Variants in NBEA observed in about 807,000 individuals in gnomAD.
NBEA encodes the protein lysosomal-trafficking regulator 2.
Under a neutral mutation model 343.4 loss-of-function variants are expected in NBEA, and 44 were observed. The ratio of observed to expected loss-of-function variants is 0.13; its 90% confidence interval spans 0.10 to 0.16. NBEA has a LOEUF of 0.16. Among genes scored for constraint, NBEA ranks in the 10% least tolerant of loss-of-function variants. The pLI is 1.00. For synonymous variants in NBEA, 1,175 were observed against 1,238.7 expected, an observed-to-expected ratio of 0.95 and a Z score of 1.08; for missense variants, 2,555 against 3,631.3, an observed-to-expected ratio of 0.70 and a Z score of 7.62.
chr13:35,185,977 G>A (rs557167402), intron 30 of NBEA: 1 of 151,936 alleles, frequency 6.6e-6, no homozygotes, highest in East Asian at 1.9e-4. Context: ...AATCTTAGAG[G>A]TACACAATTT....
chr13:35,594,175 T>A (rs190705828), intron 47 of NBEA, among the ~76,000 whole-genome samples: 1 of 152,272 alleles, frequency 6.6e-6, no homozygotes, highest in Non-Finnish European at 1.5e-5. Flanking sequence ...GGTTATTGCA[T>A]AGGTAAATGT....
intron 41 of NBEA, among the ~76,000 whole-genome samples, chr13:35,486,062 CT>C (rs71196578): frequency 0.13 from 20,210 of 151,958 alleles, 1,693 homozygotes; most frequent in South Asian, 0.21. Context: ...AAAATATGTT[CT>C]TCTCTTCACC....
At chr13:35,380,674 C>T (rs560032249) in intron 38 of NBEA, among the ~76,000 whole-genome samples, 50 of 152,100 alleles carry the variant, frequency 3.3e-4, no homozygotes, top group African/African-American at 1.1e-3. Context: ...ATAGTTTGTA[C>T]ATTTTATTTG....
In NBEA at chr13:35,182,474, G is replaced by A. The variant is rs2071383006; in HGVS notation, c.4777G>A (p.Gly1593Arg). 1.2e-6 allele frequency: 2 copies of A among 1,610,366 alleles called. No individual in the cohort carries two copies. Among genetic ancestry groups the A allele is most frequent in the East Asian group, 4.5e-5 (2 of 44,566 alleles). The stretch of plus-strand genomic sequence containing the variant: ...ACCCCAGAGAGAGACTACAAGAACT[G>A]GAAGCCAACCAGGTAGAAACATCAG... Reference protein sequence around the residue: ...LEPQRETTRTGSQPGRNIRQE... With the variant: ...LEPQRETTRTRSQPGRNIRQE... Residue 1593 changes from glycine to arginine, a missense_variant, in exon 29 of 59, where the codon GGA (glycine) becomes AGA (arginine). Physicochemically the swap from Gly to Arg is moderately radical, Grantham distance 125. This residue lies in a region of NBEA where 270 missense variants were observed against 293.3 expected (regional missense o/e 0.92). Coordinates refer to ENST00000379939, the MANE Select transcript of NBEA (RefSeq NM_001385012.1).
intron 34 of NBEA, among the ~76,000 whole-genome samples, chr13:35,255,604 G>A (rs1023171868): frequency 1.3e-5 from 2 of 152,232 alleles, no homozygotes; most frequent in Admixed American, 1.3e-4. Flanking sequence ...AGCTTCCACT[G>A]CAGGCACCCA....
intron 38 of NBEA, among the ~76,000 whole-genome samples, chr13:35,428,629 ATTCAT>A (rs1226486105): frequency 1.3e-5 from 2 of 151,826 alleles, no homozygotes; most frequent in Non-Finnish European, 2.9e-5. Context: ...TATTTTTTTC[ATTCAT>A]TTCAAGCATT....
intron 38 of NBEA, among the ~76,000 whole-genome samples, chr13:35,381,047 T>G (rs1399119630): frequency 6.6e-6 from 1 of 152,148 alleles, no homozygotes; most frequent in East Asian, 1.9e-4. Flanking sequence ...GATTTTTCTT[T>G]TTTTCTACGA....
At chr13:35,294,171 TTCATTGATGTGATCAAAG>T (rs1304239528) in intron 35 of NBEA, among the ~76,000 whole-genome samples, 1 of 152,048 alleles carries the variant, frequency 6.6e-6, no homozygotes, top group East Asian at 1.9e-4. Flanking sequence ...TTTTAGTGAC[TTCATTGATGTGATCAAAG>T]CATTAACCCA....
intron 36 of NBEA, among the ~76,000 whole-genome samples, chr13:35,328,077 T>A (rs2038692333): frequency 6.6e-6 from 1 of 151,910 alleles, no homozygotes; most frequent in African/African-American, 2.4e-5. Flanking sequence ...TATCAAACCT[T>A]TGACTGGAGT....
At chr13:35,340,492 A>C (rs951724974) in intron 36 of NBEA, among the ~76,000 whole-genome samples, 11 of 152,102 alleles carry the variant, frequency 7.2e-5, no homozygotes, top group Admixed American at 2.6e-4. Context: ...ATATTTCTAA[A>C]TAGGTAAAGA....
intron 49 of NBEA, among the ~76,000 whole-genome samples, chr13:35,638,693 CA>C (rs1707125797): frequency 6.6e-6 from 1 of 152,224 alleles, no homozygotes; most frequent in Admixed American, 6.5e-5. Flanking sequence ...CAGCCACAAT[CA>C]GCTACATTAA....
At chr13:35,471,196 C>G (rs2075629689) in intron 40 of NBEA, among the ~76,000 whole-genome samples, 1 of 152,302 alleles carries the variant, frequency 6.6e-6, no homozygotes. Flanking sequence ...GGGAACGGCC[C>G]GGCATTGTGC....
intron 49 of NBEA, among the ~76,000 whole-genome samples, chr13:35,638,995 G>A (rs963702832): frequency 6.6e-6 from 1 of 152,156 alleles, no homozygotes; most frequent in African/African-American, 2.4e-5. Context: ...AAGAATTAAG[G>A]CAGGTAACTG....
intron 47 of NBEA, among the ~76,000 whole-genome samples, chr13:35,595,360 CT>C (rs2081740608): frequency 1.3e-4 from 19 of 151,958 alleles, no homozygotes; most frequent in Admixed American, 9.8e-4. Flanking sequence ...TCCCCAAAGA[CT>C]TAATTAGTTC....
intron 41 of NBEA, among the ~76,000 whole-genome samples, chr13:35,497,831 A>G (rs2076738532): frequency 6.6e-6 from 1 of 152,006 alleles, no homozygotes; most frequent in Non-Finnish European, 1.5e-5. Flanking sequence ...TTTTCTACCA[A>G]ATGCTTAAAG....
In NBEA at chr13:35,155,965, A is replaced by G; in HGVS notation, c.2527+110A>G. On this transcript the variant is annotated intron_variant, in intron 19 of 58. Coordinates refer to ENST00000379939, the MANE Select transcript of NBEA (RefSeq NM_001385012.1). ...AATCATTATGGTGTTTACCTAGTTC[A>G]TGACAGTTTTAACTCACCTTTTATA... is the stretch of plus-strand genomic sequence containing the variant. The G allele has an allele frequency of 6.8e-6, 10 of 1,477,370 alleles. No individual in the cohort carries two copies. In the South Asian group the frequency reaches 1.2e-4, roughly 18 times the overall value. The allele number at this position is 1,477,370 out of a possible 1,614,324, so 91.5% of individuals were successfully genotyped here.
At chr13:35,645,346 C>T (rs767654096) in intron 49 of NBEA, among the ~76,000 whole-genome samples, 29 of 152,088 alleles carry the variant, frequency 1.9e-4, no homozygotes, top group Non-Finnish European at 2.4e-4. Flanking sequence ...TATAATATTT[C>T]AGAAAAAGAT....
At chr13:35,083,991 A>G (rs889199599) in intron 10 of NBEA, among the ~76,000 whole-genome samples, 2 of 152,164 alleles carry the variant, frequency 1.3e-5, no homozygotes, top group African/African-American at 4.8e-5. Flanking sequence ...GCCATTACAT[A>G]ATGGTAAAGG....
At chr13:35,269,483 A>G (rs997622463) in intron 34 of NBEA, among the ~76,000 whole-genome samples, 1 of 152,202 alleles carries the variant, frequency 6.6e-6, no homozygotes, top group African/African-American at 2.4e-5. Context: ...CCCTCTTACT[A>G]CATGGAAGTG....
Sources: allele counts gnomAD v4.1 joint callset (sites outside exome capture counted in the v4.1 genomes callset), GRCh38; gene constraint gnomAD v4.1.1; regional missense constraint gnomAD v4.1.1; transcripts MANE v1.5; gene names NCBI Gene and HGNC (gene_info 2026-07-23, HGNC 2026-07-21).